FGF13: variants seen among roughly 807,000 people sequenced by gnomAD.
The protein encoded by FGF13 is fibroblast growth factor 13.
In FGF13, 2 loss-of-function variants were observed where a neutral mutation model predicts 19.5. The ratio of observed to expected loss-of-function variants is 0.10; its 90% CI spans 0.04 to 0.32. FGF13 has a LOEUF of 0.32. Among genes scored for constraint, FGF13 ranks in the 10% least tolerant of loss-of-function variants. The pLI, the probability that FGF13 is intolerant of heterozygous loss-of-function variation, is 1.00. For synonymous variants in FGF13, 72 were observed against 76.9 expected, an observed-to-expected ratio of 0.94 and a Z score of 0.33; for missense variants, 113 against 192.7, an observed-to-expected ratio of 0.59 and a Z score of 2.45.
chrX:138,942,547 G>A (rs1323495465), intron 1 of FGF13, among the ~76,000 whole-genome samples: 1 of 111,545 alleles, frequency 9.0e-6, no homozygotes, highest in African/African-American at 3.3e-5. Context: ...TGTCCTTTTC[G>A]GTTTTTCTCT....
Position 139,065,159 on chromosome X carries a change from A to G in FGF13, c.-113+138257T>C, listed in dbSNP as rs1324702889. On this transcript the variant is annotated intron_variant, in intron 1 of 2. Coordinates refer to the FGF13 transcript ENST00000421460. The stretch of plus-strand genomic sequence containing the variant: ...TACAAGAGCTCCTGAAGGAAGCACT[A>G]AACATGGAAAGGAACAATCAGTTCC... Among the ~76,000 whole-genome samples, 8 of 111,365 alleles carry G rather than the reference A, an allele frequency of 7.2e-5. No homozygotes were observed. The Admixed American group carries it at 7.7e-4, about 11-fold the overall frequency.
At chrX:138,938,007 A>G (rs1372688864) in intron 1 of FGF13, among the ~76,000 whole-genome samples, 1 of 111,916 alleles carries the variant, frequency 8.9e-6, no homozygotes. Context: ...GTAAGTGGGA[A>G]GAAGCCAATT....
At chrX:138,857,769 A>G (rs909506809) in intron 2 of FGF13, 6 of 796,943 alleles carry the variant, frequency 7.5e-6, no homozygotes, top group Non-Finnish European at 1.0e-5. Flanking sequence ...AGGGAAGACT[A>G]AAGAAACAAC....
chrX:139,075,967 C>T (rs1398493702), intron 1 of FGF13, among the ~76,000 whole-genome samples: 1 of 13,556 alleles, frequency 7.4e-5, no homozygotes, highest in Non-Finnish European at 1.3e-4. Context: ...CTCAGCCTCC[C>T]GAGTAGCTGG....
At chrX:138,867,116 T>C (rs910686768) in intron 1 of FGF13, among the ~76,000 whole-genome samples, 15 of 111,304 alleles carry the variant, frequency 1.3e-4, no homozygotes, top group Non-Finnish European at 1.5e-4. Flanking sequence ...TACCCCATGA[T>C]AGCTATTCCC....
intron 1 of FGF13, among the ~76,000 whole-genome samples, chrX:139,080,892 AG>A (rs2083365964): frequency 9.0e-6 from 1 of 111,033 alleles, no homozygotes; most frequent in East Asian, 2.8e-4. Context: ...AATTATTCAA[AG>A]ACTTTGCCCC....
chrX:138,728,410 T>C (rs992658312), intron 1 of FGF13, among the ~76,000 whole-genome samples: 4 of 111,968 alleles, frequency 3.6e-5, no homozygotes, highest in Admixed American at 2.8e-4. Context: ...AGGCAATGTG[T>C]GTAATTATTG....
intron 1 of FGF13, among the ~76,000 whole-genome samples, chrX:139,069,604 AAAGTAT>A (rs1390412860): frequency 9.1e-6 from 1 of 109,643 alleles, no homozygotes; most frequent in African/African-American, 3.3e-5. Flanking sequence ...CCTAAAACTT[AAAGTAT>A]AATTTAAAAA....
intron 2 of FGF13, among the ~76,000 whole-genome samples, chrX:138,704,641 G>A (rs1264450741): frequency 8.9e-6 from 1 of 112,077 alleles, no homozygotes; most frequent in African/African-American, 3.2e-5. Flanking sequence ...ATTCCTTGGT[G>A]AGCCTACAAC....
chrX:139,116,684 G>A (rs932378376), intron 1 of FGF13, among the ~76,000 whole-genome samples: 2 of 111,144 alleles, frequency 1.8e-5, no homozygotes, highest in Non-Finnish European at 3.8e-5. Flanking sequence ...AAAAAGGAGA[G>A]CGGGGGGAAA....
intron 1 of FGF13, among the ~76,000 whole-genome samples, chrX:139,166,546 T>C (rs1047004033): frequency 9.0e-6 from 1 of 111,582 alleles, no homozygotes; most frequent in African/African-American, 3.3e-5. Context: ...GTCTTTTGTA[T>C]GTAAAAAGGA....
chrX:138,809,526 A>T (rs1223113578), intron 3 of FGF13, among the ~76,000 whole-genome samples: 22 of 111,836 alleles, frequency 2.0e-4, no homozygotes, highest in Non-Finnish European at 3.9e-4. Flanking sequence ...TTCCCTTTGA[A>T]AACTGGCACA....
intron 1 of FGF13, among the ~76,000 whole-genome samples, chrX:139,160,224 C>A (rs1473120878): frequency 2.7e-5 from 3 of 112,209 alleles, no homozygotes; most frequent in Non-Finnish European, 3.8e-5. Flanking sequence ...ACTGAACAAC[C>A]TGCTCCTGAA....
upstream of FGF13, among the ~76,000 whole-genome samples, chrX:138,740,033 G>C (rs936714207): frequency 8.9e-6 from 1 of 112,076 alleles, no homozygotes; most frequent in Non-Finnish European, 1.9e-5. Flanking sequence ...ACTCAATAGT[G>C]TTAATATAGG....
At position 139,018,706 on chromosome X, in the gene FGF13, GA is replaced by G. The variant is rs201965581; in HGVS notation, c.-112-154057del. Among the ~76,000 whole-genome samples, 56 of 111,138 alleles carry G rather than the reference GA, an allele frequency of 5.0e-4. No individual in the cohort carries two copies. In the East Asian group the frequency reaches 0.015, roughly 29 times the overall value. On this transcript the variant is annotated intron_variant, in intron 1 of 2. Transcript: ENST00000421460. Reference sequence around the variant, plus strand: ...CCTGGATGGCCAAACTAGAACATGGGAAAAGGTTCATCTGGGCCTTTGAGGC... The same window carrying G: ...CCTGGATGGCCAAACTAGAACATGGGAAAGGTTCATCTGGGCCTTTGAGGC...
chrX:138,999,946 G>A (rs768625034), intron 1 of FGF13, among the ~76,000 whole-genome samples: 24 of 111,767 alleles, frequency 2.1e-4, no homozygotes, highest in African/African-American at 6.8e-4. Context: ...ATAAAATACC[G>A]GCAAACTGAA....
At chrX:138,906,846 A>G (rs1203149746) in intron 1 of FGF13, among the ~76,000 whole-genome samples, 1 of 111,545 alleles carries the variant, frequency 9.0e-6, no homozygotes, top group African/African-American at 3.3e-5. Flanking sequence ...GTGCGATTAC[A>G]CTGACAGCAT....
intron 1 of FGF13, among the ~76,000 whole-genome samples, chrX:139,049,014 T>G (rs1238838030): frequency 8.9e-6 from 1 of 111,974 alleles, no homozygotes; most frequent in Non-Finnish European, 1.9e-5. Flanking sequence ...TATATTTCTC[T>G]ATTTATTATG....
chrX:138,632,223 A>G lies in FGF13; in HGVS notation c.*627T>C, dbSNP rs17284572. On this transcript the variant is annotated 3_prime_UTR_variant, in exon 5 of 5. Transcript: ENST00000315930. ...AAACAATTGGTCAAACCACAAGAACACTGTTACCTTGAGCCTGAGAAGCCA... is the reference window on the plus strand; with the variant it reads ...AAACAATTGGTCAAACCACAAGAACGCTGTTACCTTGAGCCTGAGAAGCCA... The G allele has an allele frequency of 0.033, 3,640 of 111,087 alleles. 55 individuals are homozygous for G. Among genetic ancestry groups the G allele is most frequent in the Non-Finnish European group, 0.05 (2,639 of 52,841 alleles). The allele number at this position is 111,087 out of a possible 1,213,427, so 9.2% of individuals were successfully genotyped here.
Sources: allele counts gnomAD v4.1 joint callset (sites outside exome capture counted in the v4.1 genomes callset), GRCh38; gene constraint gnomAD v4.1.1; transcripts MANE v1.5; gene names NCBI Gene and HGNC (gene_info 2026-07-23, HGNC 2026-07-21).